The following ELP4 variants were observed in gnomAD, a reference collection of about 807,000 sequenced individuals.
The protein encoded by ELP4 is elongator complex protein 4.
A neutral mutation model predicts 48.9 loss-of-function variants in ELP4; 51 were observed. The ratio of observed to expected loss-of-function variants is 1.04; its 90% CI spans 0.83 to 1.32. ELP4 has a LOEUF of 1.32. ELP4 is among the 40% of genes most tolerant of loss of function. The probability of loss-of-function intolerance (pLI) is 0.00; values close to 1 mark genes in which losing one functional copy is unlikely to be tolerated. For synonymous variants in ELP4, 210 were observed against 189.2 expected (o/e 1.11, Z -0.90); for missense variants, 519 against 514.6 (o/e 1.01, Z -0.08).
chr11:31,790,039 A>T lies in ELP4; in HGVS notation c.*6515A>T. On this transcript the variant is annotated 3_prime_UTR_variant, in exon 10 of 10. Coordinates refer to ENST00000640961, the MANE Select transcript of ELP4 (RefSeq NM_019040.5). Reference sequence around the variant, plus strand: ...TGAGTCCTAGAAGTGGATGAAAGAAATAGCCATGTAGATATTCCCTTTGAG... The same window carrying T: ...TGAGTCCTAGAAGTGGATGAAAGAATTAGCCATGTAGATATTCCCTTTGAG... 1 of 1,472,142 alleles carries T rather than the reference A, an allele frequency of 6.8e-7. No individual in the cohort carries two copies. The highest frequency in any genetic ancestry group is 9.4e-7 in the Non-Finnish European group (1 of 1,064,436). 91.2% of individuals were successfully genotyped at this position (1,472,142 alleles called of 1,614,324 possible).
rs139063273 is a variant in ELP4, at chr11:31,561,669, C to A, written c.381+21886C>A. 1.1e-3 allele frequency among the ~76,000 whole-genome samples: 172 copies of A among 152,228 alleles called. 4 individuals are homozygous for A. The East Asian group carries it at 0.03, about 26-fold the overall frequency. ...ATGTTGGCCTGGCTGGTTTTGAACT[C>A]CTGACCTCAAGTGATCCTCCCACCT... is the stretch of plus-strand genomic sequence containing the variant. On this transcript the variant is annotated intron_variant, in intron 3 of 9. Coordinates refer to ENST00000640961, the MANE Select transcript of ELP4 (RefSeq NM_019040.5).
At chr11:31,643,637 C>G (rs575466691) in intron 7 of ELP4, among the ~76,000 whole-genome samples, 3 of 151,874 alleles carry the variant, frequency 2.0e-5, no homozygotes, top group Admixed American at 1.3e-4. Context: ...ATTTTTATCT[C>G]TTAACAAAAT....
intron 9 of ELP4, among the ~76,000 whole-genome samples, chr11:31,733,346 G>A (rs141186181): frequency 6.6e-5 from 10 of 151,782 alleles, no homozygotes; most frequent in East Asian, 3.9e-4. Flanking sequence ...GAGTGGTGGC[G>A]TACACCTGTA....
At chr11:31,726,237 A>G (rs1479304232) in intron 9 of ELP4, among the ~76,000 whole-genome samples, 1 of 152,188 alleles carries the variant, frequency 6.6e-6, no homozygotes, top group African/African-American at 2.4e-5. Context: ...ACAGAATTGA[A>G]GACTATAAAC....
At chr11:31,769,801 A>G (rs978609831) in intron 9 of ELP4, among the ~76,000 whole-genome samples, 9 of 152,220 alleles carry the variant, frequency 5.9e-5, no homozygotes, top group Non-Finnish European at 2.9e-5. Flanking sequence ...AAAAAAAACG[A>G]GGATAAAAAG....
chr11:31,720,969 C>G (rs1004793763), intron 9 of ELP4, among the ~76,000 whole-genome samples: 1 of 152,240 alleles, frequency 6.6e-6, no homozygotes, highest in Non-Finnish European at 1.5e-5. Flanking sequence ...AATTTGCTCA[C>G]TCTGCCCCAT....
At chr11:31,618,243 CT>C (rs1295236696) in intron 5 of ELP4, among the ~76,000 whole-genome samples, 2 of 152,072 alleles carry the variant, frequency 1.3e-5, no homozygotes, top group African/African-American at 4.8e-5. Flanking sequence ...CTGTTTTGTG[CT>C]GCTATAACAC....
At chr11:31,720,460 G>A (rs1273934129) in intron 9 of ELP4, among the ~76,000 whole-genome samples, 1 of 151,986 alleles carries the variant, frequency 6.6e-6, no homozygotes, top group Non-Finnish European at 1.5e-5. Flanking sequence ...ACCCGCTGAT[G>A]CAGGCATGCA....
At chr11:31,609,278 G>T (rs1193037941) in intron 5 of ELP4, among the ~76,000 whole-genome samples, 1 of 152,136 alleles carries the variant, frequency 6.6e-6, no homozygotes, top group African/African-American at 2.4e-5. Context: ...ATCTCGTTGG[G>T]CTTTATTTTT....
At chr11:31,670,715 C>A (rs935553557) in intron 9 of ELP4, among the ~76,000 whole-genome samples, 1 of 152,074 alleles carries the variant, frequency 6.6e-6, no homozygotes. Context: ...TGTCAAAAGT[C>A]ATGTTTCTCA....
At chr11:31,745,689 T>C (rs972504265) in intron 9 of ELP4, among the ~76,000 whole-genome samples, 7 of 152,190 alleles carry the variant, frequency 4.6e-5, no homozygotes, top group African/African-American at 1.7e-4. Context: ...GCTAGCCATA[T>C]GTAGAAAGCT....
chr11:31,550,479 A>G (rs916707808), intron 3 of ELP4, among the ~76,000 whole-genome samples: 1 of 152,194 alleles, frequency 6.6e-6, no homozygotes, highest in Non-Finnish European at 1.5e-5. Flanking sequence ...TTTGTGAGTG[A>G]TGATACCAGC....
At chr11:31,681,189 G>A (rs1266660376) in intron 9 of ELP4, among the ~76,000 whole-genome samples, 2 of 152,120 alleles carry the variant, frequency 1.3e-5, no homozygotes, top group African/African-American at 2.4e-5. Context: ...TTCTCCTTCT[G>A]AAATATATAT....
chr11:31,520,148 T>G, intron 2 of ELP4, 57 bp downstream of exon 2: 2 of 1,447,050 alleles, frequency 1.4e-6, no homozygotes, highest in Non-Finnish European at 1.9e-6. Flanking sequence ...TTGTGCATAA[T>G]CATTTTATCC....
At chr11:31,581,366 A>C (rs1226032026) in intron 3 of ELP4, among the ~76,000 whole-genome samples, 1 of 152,162 alleles carries the variant, frequency 6.6e-6, no homozygotes, top group Non-Finnish European at 1.5e-5. Flanking sequence ...ATGGAGGTAG[A>C]AGGGAGGAGT....
chr11:31,681,837 T>G (rs1592218923), intron 9 of ELP4: 2 of 227,862 alleles, frequency 8.8e-6, no homozygotes, highest in Non-Finnish European at 9.0e-6. Flanking sequence ...GCCTCCTGGG[T>G]TCAAGCAATT....
At chr11:31,585,122 C>T (rs1238088774) in intron 3 of ELP4, among the ~76,000 whole-genome samples, 1 of 151,982 alleles carries the variant, frequency 6.6e-6, no homozygotes, top group Non-Finnish European at 1.5e-5. Flanking sequence ...TCAGTTGTGA[C>T]AAACAAAACA....
rs375761040 is a variant in ELP4, at chr11:31,737,822, ACT to A, written c.1144-45568_1144-45567del. On this transcript the variant is annotated intron_variant, in intron 9 of 9. Coordinates refer to ENST00000640961, the MANE Select transcript of ELP4 (RefSeq NM_019040.5). Reference sequence around the variant, plus strand: ...AAAATAAGTGTTGACAAGGATGGTAACTCTTGTGCATTATTGGTGGAAATGTA... The same window carrying A: ...AAAATAAGTGTTGACAAGGATGGTAACTTGTGCATTATTGGTGGAAATGTA... Among the ~76,000 whole-genome samples, 105 of 152,274 alleles carry A rather than the reference ACT, an allele frequency of 6.9e-4. 4 individuals are homozygous for A. In the South Asian group the frequency reaches 0.02, roughly 29 times the overall value.
At chr11:31,622,394 T>TAA (rs1228990478) in intron 5 of ELP4, among the ~76,000 whole-genome samples, 1 of 151,678 alleles carries the variant, frequency 6.6e-6, no homozygotes, top group African/African-American at 2.4e-5. Context: ...TATTAAAAGA[T>TAA]TTTTAAGTGT....
Sources: allele counts gnomAD v4.1 joint callset (sites outside exome capture counted in the v4.1 genomes callset), GRCh38; gene constraint gnomAD v4.1.1; transcripts MANE v1.5; gene names NCBI Gene and HGNC (gene_info 2026-07-23, HGNC 2026-07-21).